The following NR3C2 variants were observed in gnomAD, a reference collection of about 807,000 sequenced individuals.
NR3C2 encodes the protein mineralocorticoid receptor.
A neutral mutation model predicts 86.4 loss-of-function variants in NR3C2; 15 were observed. The observed-to-expected ratio is 0.17, with a 90% confidence interval of 0.12 to 0.27. NR3C2 has a LOEUF of 0.27. Ranked by LOEUF, NR3C2 falls within the 10% of genes least tolerant of loss-of-function variation. The pLI, the probability that NR3C2 is intolerant of heterozygous loss-of-function variation, is 1.00. For synonymous variants in NR3C2, 458 were observed against 450.5 expected (o/e 1.02, Z -0.21); for missense variants, 960 against 1,195.6 (o/e 0.80, Z 2.91).
intron 3 of NR3C2, 153 bp downstream of exon 3, chr4:148,259,825 G>A (rs1740007433): frequency 1.2e-5 from 11 of 929,504 alleles, no homozygotes; most frequent in Non-Finnish European, 1.6e-5. Flanking sequence ...ATCTCCAGGT[G>A]GTTTTTATAC....
rs753916879 is a variant in NR3C2, at chr4:148,120,228, A to T, written c.2571T>A (p.Leu857=). The T allele has an allele frequency of 8.1e-6, 13 of 1,614,156 alleles. No individual in the cohort carries two copies. The East Asian group carries it at 2.9e-4, about 36-fold the overall frequency. Reference sequence around the variant, plus strand: ...AGGTGAGCTGCAGTCGAACGAACTGAAGGCTGATTTGGTGCATCCCCTGGC... The same window carrying T: ...AGGTGAGCTGCAGTCGAACGAACTGTAGGCTGATTTGGTGCATCCCCTGGC... The part of the protein sequence containing the change: ...ELCQGMHQIS[L]QFVRLQLTFE... The change falls in exon 7 of 9, where the codon CTT becomes CTA. Residue 857 remains leucine, a synonymous_variant. Coordinates refer to ENST00000358102, the MANE Select transcript of NR3C2 (RefSeq NM_000901.5).
intron 3 of NR3C2, among the ~76,000 whole-genome samples, chr4:148,242,679 C>T (rs1303886193): frequency 6.6e-6 from 1 of 152,190 alleles, no homozygotes; most frequent in East Asian, 1.9e-4. Context: ...AATATTTTCT[C>T]ACAGAAGCAG....
At chr4:148,264,427 A>G (rs1363829539) in intron 2 of NR3C2, among the ~76,000 whole-genome samples, 2 of 152,218 alleles carry the variant, frequency 1.3e-5, no homozygotes, top group Admixed American at 1.3e-4. Flanking sequence ...TTAAAATACA[A>G]AGCATGTTTA....
At chr4:148,210,737 A>C (rs868687153) in intron 3 of NR3C2, among the ~76,000 whole-genome samples, 3 of 152,348 alleles carry the variant, frequency 2.0e-5, no homozygotes, top group Middle Eastern at 3.4e-3. Context: ...AGCAATCATA[A>C]TAAGTTTCAA....
At chr4:148,322,268 C>T (rs1187674111) in intron 2 of NR3C2, among the ~76,000 whole-genome samples, 2 of 149,542 alleles carry the variant, frequency 1.3e-5, no homozygotes, top group African/African-American at 2.5e-5. Context: ...TGATGGGCTT[C>T]CCTTTGAGGG....
chr4:148,293,424 A>T (rs188906796), intron 2 of NR3C2, among the ~76,000 whole-genome samples: 7 of 152,314 alleles, frequency 4.6e-5, no homozygotes, highest in Non-Finnish European at 8.8e-5. Context: ...GTAATTATTC[A>T]GAAACTCCCA....
upstream of NR3C2, chr4:148,443,086 C>T (rs1750431375): frequency 3.8e-6 from 2 of 531,352 alleles, no homozygotes; most frequent in Non-Finnish European, 4.8e-6. Flanking sequence ...AGAGTTACCT[C>T]TCAGCAGAGC....
intron 2 of NR3C2, among the ~76,000 whole-genome samples, chr4:148,414,082 C>T (rs1211960034): frequency 2.0e-5 from 3 of 152,178 alleles, no homozygotes; most frequent in South Asian, 2.1e-4. Flanking sequence ...ACCAGATAAG[C>T]GATAGAATAC....
intron 8 of NR3C2, among the ~76,000 whole-genome samples, chr4:148,104,750 A>T (rs560690190): frequency 6.6e-6 from 1 of 152,306 alleles, no homozygotes; most frequent in East Asian, 1.9e-4. Flanking sequence ...TCACTTCCCC[A>T]AACTTCCTAC....
At chr4:148,438,683 T>G (rs72645694) in intron 1 of NR3C2, among the ~76,000 whole-genome samples, 98 of 152,196 alleles carry the variant, frequency 6.4e-4, no homozygotes, top group Admixed American at 1.3e-3. Flanking sequence ...CTAAATAAAT[T>G]TGCATTAGAT....
chr4:148,205,303 T>A (rs893662252), intron 3 of NR3C2, among the ~76,000 whole-genome samples: 3 of 152,216 alleles, frequency 2.0e-5, no homozygotes, highest in African/African-American at 7.2e-5. Context: ...TAAATTAGAC[T>A]AGTTTTGGGT....
At chr4:148,402,108 A>C (rs1222165223) in intron 2 of NR3C2, among the ~76,000 whole-genome samples, 1 of 152,210 alleles carries the variant, frequency 6.6e-6, no homozygotes, top group East Asian at 1.9e-4. Flanking sequence ...CTCTGGTGTC[A>C]GGCCATGTAC....
chr4:148,380,458 C>T (rs1310343867), intron 2 of NR3C2, among the ~76,000 whole-genome samples: 1 of 152,166 alleles, frequency 6.6e-6, no homozygotes, highest in Non-Finnish European at 1.5e-5. Flanking sequence ...CATATATTTT[C>T]AGCTCTCTTG....
At chr4:148,318,727 G>GT (rs999062507) in intron 2 of NR3C2, among the ~76,000 whole-genome samples, 1 of 146,374 alleles carries the variant, frequency 6.8e-6, no homozygotes, top group Non-Finnish European at 1.5e-5. Context: ...GGGGTTGTTT[G>GT]TTTTTTTCTT....
chr4:148,195,514 A>C (rs1279797250), intron 3 of NR3C2, among the ~76,000 whole-genome samples: 1 of 152,222 alleles, frequency 6.6e-6, no homozygotes, highest in Non-Finnish European at 1.5e-5. Context: ...AGACAGACAA[A>C]AGCCTCTGCT....
At chr4:148,312,803 G>A (rs564606913) in intron 2 of NR3C2, among the ~76,000 whole-genome samples, 6 of 152,038 alleles carry the variant, frequency 3.9e-5, no homozygotes, top group Non-Finnish European at 8.8e-5. Flanking sequence ...TCTTGCTTCA[G>A]AGTTATGTTT....
intron 2 of NR3C2, among the ~76,000 whole-genome samples, chr4:148,409,507 C>G (rs1748589669): frequency 6.6e-6 from 1 of 152,124 alleles, no homozygotes; most frequent in Admixed American, 6.5e-5. Flanking sequence ...TTTGTCAAAA[C>G]TTTTAAACCT....
chr4:148,382,312 G>T (rs189897077), intron 2 of NR3C2, among the ~76,000 whole-genome samples: 81 of 152,242 alleles, frequency 5.3e-4, no homozygotes, highest in African/African-American at 1.8e-3. Flanking sequence ...GCCAAACCCT[G>T]AACTAGGAGC....
At chr4:148,429,486 C>A (rs1162486749) in intron 2 of NR3C2, among the ~76,000 whole-genome samples, 3 of 152,132 alleles carry the variant, frequency 2.0e-5, no homozygotes, top group Non-Finnish European at 4.4e-5. Context: ...ATTTCTAGCA[C>A]AAAATACAAA....
Sources: allele counts gnomAD v4.1 joint callset (sites outside exome capture counted in the v4.1 genomes callset), GRCh38; gene constraint gnomAD v4.1.1; transcripts MANE v1.5; gene names NCBI Gene and HGNC (gene_info 2026-07-23, HGNC 2026-07-21).